Variants in PKHD1 observed in about 807,000 individuals in gnomAD.
PKHD1 encodes the protein PKHD1 ciliary IPT domain containing fibrocystin/polyductin, also known as fibrocystin.
Under a neutral mutation model 412.0 loss-of-function variants are expected in PKHD1, and 291 were observed. The ratio of observed to expected loss-of-function variants is 0.71; its 90% CI spans 0.64 to 0.78. The LOEUF is 0.78. PKHD1 is among the 30% of genes least tolerant of loss of function. The pLI, the probability that PKHD1 is intolerant of heterozygous loss-of-function variation, is 0.00. For missense variants in PKHD1, 4,825 were observed against 4,950.7 expected (o/e 0.97, Z 0.76); for synonymous variants, 1,777 against 1,821.5 (o/e 0.98, Z 0.62).
rs1784949397 is a variant in PKHD1, at chr6:51,744,469, C to A, written c.10072G>T (p.Asp3358Tyr). The part of the protein sequence containing the change: ...SPRKYLFKDL[D>Y]GRALGLPPPV... ...GGAGGCAGACCCAGGGCTCTCCCATCCAGATCCTTGAAGAGATATTTTCTT... is the reference window on the plus strand; with the variant it reads ...GGAGGCAGACCCAGGGCTCTCCCATACAGATCCTTGAAGAGATATTTTCTT... The change falls in exon 60 of 67, where the codon GAT becomes TAT. Residue 3358 changes from aspartate to tyrosine, a missense_variant. Transcript: ENST00000371117. 9 of 1,612,814 alleles carry A rather than the reference C, an allele frequency of 5.6e-6. No individual in the cohort carries two copies. The highest frequency in any genetic ancestry group is 1.3e-5 in the African/African-American group (1 of 75,008).
At chr6:51,893,995 G>A (rs1451341170) in intron 43 of PKHD1, among the ~76,000 whole-genome samples, 1 of 152,180 alleles carries the variant, frequency 6.6e-6, no homozygotes, top group African/African-American at 2.4e-5. Flanking sequence ...ATAAACATGG[G>A]AGACTCTGAG....
At chr6:51,712,445 T>G (rs1414675771) in intron 60 of PKHD1, among the ~76,000 whole-genome samples, 1 of 152,198 alleles carries the variant, frequency 6.6e-6, no homozygotes, top group African/African-American at 2.4e-5. Context: ...ACCATGAATT[T>G]AAACCATTTC....
At chr6:51,900,341 G>A (rs1424555524) in intron 43 of PKHD1, among the ~76,000 whole-genome samples, 2 of 152,158 alleles carry the variant, frequency 1.3e-5, no homozygotes, top group African/African-American at 2.4e-5. Context: ...CAATGGAACA[G>A]AACAGAGCCC....
Position 52,043,714 on chromosome 6 carries a change from T to C in PKHD1, c.2732A>G (p.Asn911Ser), listed in dbSNP as rs1805303754. 5 of 1,613,360 alleles carry C rather than the reference T, an allele frequency of 3.1e-6. No homozygotes were observed. The highest frequency in any genetic ancestry group is 2.7e-5 in the African/African-American group (2 of 74,898). ...NQHTQVVVRV[N>S]DVPAHCPGSC... ...ACCTGGGCAATGAGCTGGTACATCATTCACTCGCACAACCACCTGAAATGA... is the reference window on the plus strand; with the variant it reads ...ACCTGGGCAATGAGCTGGTACATCACTCACTCGCACAACCACCTGAAATGA... Residue 911 changes from asparagine (N) to serine (S), a missense_variant, in exon 26 of 67, where the codon AAT (asparagine) becomes AGT (serine). Physicochemically the swap from Asn to Ser is conservative, Grantham distance 46. Transcript: ENST00000371117.
intron 60 of PKHD1, among the ~76,000 whole-genome samples, chr6:51,669,895 C>T: frequency 7.1e-6 from 1 of 140,084 alleles, no homozygotes; most frequent in Non-Finnish European, 1.5e-5. Flanking sequence ...AGTTTGATTG[C>T]ACTGTGGTCT....
chr6:52,062,694 G>A (rs1171653327), intron 13 of PKHD1, 34 bp from the exon 14 acceptor site: 2 of 1,613,452 alleles, frequency 1.2e-6, no homozygotes, highest in East Asian at 2.2e-5. Flanking sequence ...AACATTACAG[G>A]GCGCACCTTC....
At chr6:51,744,314 G>T in intron 60 of PKHD1, 71 bp downstream of exon 60, 1 of 1,329,914 alleles carries the variant, frequency 7.5e-7, no homozygotes, top group Non-Finnish European at 1.1e-6. Context: ...TTCTCAGTGA[G>T]CACAGCAAAA....
intron 61 of PKHD1, among the ~76,000 whole-genome samples, chr6:51,654,459 A>C (rs758048375): frequency 6.6e-6 from 1 of 152,236 alleles, no homozygotes; most frequent in African/African-American, 2.4e-5. Flanking sequence ...AATAAAAAAC[A>C]TTGGCATGTA....
rs864622679 is a variant in PKHD1, at chr6:52,062,574, C to G, written c.1063G>C (p.Val355Leu). Residue 355 changes from valine to leucine, a missense_variant, in exon 14 of 67, where the codon GTC (valine) becomes CTC (leucine). Physicochemically the swap from Val to Leu is conservative, Grantham distance 32. Coordinates refer to ENST00000371117, the MANE Select transcript of PKHD1 (RefSeq NM_138694.4). ...CCAAATGGAGAACTGGCATTAGGGA[C>G]AATCTGCCACCTGTACCCTGGGGTG... ...EATPGYRWQI[V>L]PNASSPFGFW... 1.2e-6 allele frequency: 2 copies of G among 1,614,168 alleles called. No homozygotes were observed. The highest frequency in any genetic ancestry group is 3.3e-5 in the Admixed American group (2 of 60,020).
chr6:52,032,419 G>A (rs1187413225), intron 29 of PKHD1, among the ~76,000 whole-genome samples: 2 of 152,170 alleles, frequency 1.3e-5, no homozygotes, highest in African/African-American at 2.4e-5. Flanking sequence ...ATTCTTTCAT[G>A]TAGTTGGTGC....
At chr6:51,887,352 C>G in intron 43 of PKHD1, 107 bp from the exon 44 acceptor site, 2 of 757,580 alleles carry the variant, frequency 2.6e-6, no homozygotes, top group Non-Finnish European at 4.8e-6. Context: ...TCACTTTCTG[C>G]CAAAGTACAT....
chr6:52,046,919 A>G (rs1581933876), intron 23 of PKHD1, among the ~76,000 whole-genome samples: 1 of 152,372 alleles, frequency 6.6e-6, no homozygotes, highest in East Asian at 1.9e-4. Context: ...ACAGGTTTAC[A>G]TGAAAACACA....
chr6:51,761,904 T>C (rs1317968850), intron 55 of PKHD1, among the ~76,000 whole-genome samples: 4 of 152,028 alleles, frequency 2.6e-5, no homozygotes, highest in Non-Finnish European at 5.9e-5. Flanking sequence ...CCCTTCTCAG[T>C]AAATGGCAGC....
At chr6:51,938,339 G>A (rs142951356) in intron 36 of PKHD1, among the ~76,000 whole-genome samples, 1,685 of 152,190 alleles carry the variant, frequency 0.011, 23 homozygotes, top group African/African-American at 0.037. Flanking sequence ...CAAAAGAAGT[G>A]ATATTTAAAT....
intron 21 of PKHD1, 103 bp downstream of exon 21, chr6:52,052,973 G>A (rs1440029078): frequency 2.9e-6 from 3 of 1,044,406 alleles, no homozygotes; most frequent in Non-Finnish European, 4.4e-6. Context: ...CAAAAAGGAG[G>A]ATCACCTGTT....
intron 60 of PKHD1, among the ~76,000 whole-genome samples, chr6:51,714,126 CT>C (rs2150778459): frequency 6.6e-6 from 1 of 152,226 alleles, no homozygotes; most frequent in African/African-American, 2.4e-5. Flanking sequence ...AATCCCAGCA[CT>C]TTGGGAGGCC....
At chr6:51,670,449 G>A (rs1007286012) in intron 60 of PKHD1, among the ~76,000 whole-genome samples, 10 of 151,222 alleles carry the variant, frequency 6.6e-5, no homozygotes, top group Non-Finnish European at 1.3e-4. Context: ...GTCTCTGCAC[G>A]TGAGATGGGT....
rs770826588 is a variant in PKHD1 at position 51,659,725 on chromosome 6, T to C, written c.10401A>G (p.Gln3467=). The C allele has an allele frequency of 8.1e-6, 13 of 1,613,726 alleles. No individual in the cohort carries two copies. In the East Asian group the frequency reaches 2.5e-4, roughly 30 times the overall value. ...GATCCATGAAGCAGACTTTGGTGAT[T>C]TGCCTGATGGGTAAGATAGAATAGA... ...STFYSILPIR[Q]ITKVCFMDQT... is the part of the protein sequence containing the mutation. Residue 3467 remains glutamine, a synonymous_variant, in exon 61 of 67, where the codon CAA becomes CAG. Coordinates refer to ENST00000371117, the MANE Select transcript of PKHD1 (RefSeq NM_138694.4).
intron 53 of PKHD1, among the ~76,000 whole-genome samples, chr6:51,790,505 C>T (rs1222632551): frequency 6.6e-6 from 1 of 152,122 alleles, no homozygotes; most frequent in Non-Finnish European, 1.5e-5. Flanking sequence ...CCACTAGCTA[C>T]CCAGGGAGCC....
Sources: gnomAD v4.1 joint callset for allele counts (sites outside exome capture counted in the v4.1 genomes callset) on GRCh38, gnomAD v4.1.1 for gene constraint, MANE v1.5 for transcripts, NCBI Gene and HGNC (gene_info 2026-07-23, HGNC 2026-07-21) for gene names.